Variants in CEACAM3 observed in about 807,000 individuals in gnomAD.
CEACAM3 encodes CEA cell adhesion molecule 3, also known as cell adhesion molecule CEACAM3.
A neutral mutation model predicts 30.1 loss-of-function variants in CEACAM3; 32 were observed. The ratio of observed to expected loss-of-function variants is 1.06; its 90% CI spans 0.80 to 1.43. CEACAM3 has a LOEUF of 1.43. CEACAM3 is among the 40% of genes most tolerant of loss of function. The pLI, the probability that CEACAM3 is intolerant of heterozygous loss-of-function variation, is 0.00. For synonymous variants in CEACAM3, 134 were observed against 127.2 expected (o/e 1.05, Z -0.36); for missense variants, 290 against 316.3 (o/e 0.92, Z 0.63).
At position 41,811,261 on chromosome 19, in the gene CEACAM3, G is replaced by C. The variant is rs782668023; in HGVS notation, c.*24G>C. The C allele has an allele frequency of 1.2e-6, 2 of 1,608,138 alleles. No individual in the cohort carries two copies. The highest frequency in any genetic ancestry group is 2.2e-5 in the South Asian group (2 of 90,956). ...AGCTTCCTCCAGGAGCTGCTCCTGT[G>C]TGTTGATGGAGAGTCCCCAAGGCCC... On this transcript the variant is annotated 3_prime_UTR_variant, in exon 7 of 7. Coordinates refer to ENST00000357396, the MANE Select transcript of CEACAM3 (RefSeq NM_001815.5).
intron 5 of CEACAM3, 52 bp downstream of exon 5, chr19:41,810,406 C>T (rs1399023870): frequency 7.1e-6 from 11 of 1,554,252 alleles, no homozygotes; most frequent in Non-Finnish European, 8.7e-6. Context: ...GCTGTGCAGG[C>T]TCTGGGCAGA....
At chr19:41,811,089 C>A in intron 6 of CEACAM3, 83 bp from the exon 7 acceptor site, 1 of 1,501,350 alleles carries the variant, frequency 6.7e-7, no homozygotes, top group South Asian at 1.1e-5. Context: ...CAGAGCAGCC[C>A]TGGATGGGCC....
chr19:41,797,257 G>T, intron 1 of CEACAM3: 1 of 326,616 alleles, frequency 3.1e-6, no homozygotes, highest in Non-Finnish European at 5.6e-6. Context: ...GCCCTGGAGG[G>T]AACAGAGCAG....
chr19:41,805,787 C>G (rs1218147114), intron 2 of CEACAM3, among the ~76,000 whole-genome samples: 2 of 152,242 alleles, frequency 1.3e-5, no homozygotes, highest in African/African-American at 4.8e-5. Flanking sequence ...AGATTGCCAG[C>G]AGCTTCATGC....
At position 41,796,682 on chromosome 19, in the gene CEACAM3, G is replaced by T; in HGVS notation, c.5G>T (p.Gly2Val). The T allele has an allele frequency of 6.2e-7, 1 of 1,614,176 alleles. No homozygotes were observed. The highest frequency in any genetic ancestry group is 8.5e-7 in the Non-Finnish European group (1 of 1,180,010). The change falls in exon 1 of 7, where the codon GGG (glycine) becomes GTG (valine). Residue 2 changes from glycine to valine, a missense_variant. Physicochemically the swap from Gly to Val is moderately radical, Grantham distance 109. Coordinates refer to ENST00000357396, the MANE Select transcript of CEACAM3 (RefSeq NM_001815.5). The stretch of plus-strand genomic sequence containing the variant: ...AAAGAGCAGGCAGCAGAGACCATGG[G>T]GCCCCCCTCAGCCTCTCCCCACAGA... The part of the protein sequence containing the change: M[G>V]PPSASPHREC...
rs1555826263 is a variant in CEACAM3 at position 41,803,469 on chromosome 19, TG to T, written c.425-5343del. Among the ~76,000 whole-genome samples the T allele has an allele frequency of 1.1e-3, 122 of 110,808 alleles. 1 individual carries two copies. The highest frequency in any genetic ancestry group is 6.8e-3 in the Middle Eastern group (1 of 146). The allele number at this position is 110,808 out of a possible 152,430, so 72.7% of individuals were successfully genotyped here. A position where few individuals can be genotyped will look rare whatever the true frequency, so the allele number is the denominator to read the frequency against. ...GTGTGTGTGTGTGTGTTGTTTTGTTTGTTTTTTTTTTTTTTGAGACAGAGTC... is the reference window on the plus strand; with the variant it reads ...GTGTGTGTGTGTGTGTTGTTTTGTTTTTTTTTTTTTTTTTGAGACAGAGTC... On this transcript the variant is annotated intron_variant, in intron 2 of 6. Coordinates refer to ENST00000357396, the MANE Select transcript of CEACAM3 (RefSeq NM_001815.5).
At chr19:41,807,071 G>A in intron 2 of CEACAM3, 1 of 1,608,620 alleles carries the variant, frequency 6.2e-7, no homozygotes, top group East Asian at 2.2e-5. Context: ...AGGAATCACA[G>A]GTGCCACACA....
chr19:41,804,621 TCA>T (rs2073184167), intron 2 of CEACAM3, among the ~76,000 whole-genome samples: 1 of 152,188 alleles, frequency 6.6e-6, no homozygotes, highest in Non-Finnish European at 1.5e-5. Context: ...CTAACAGGAC[TCA>T]CAATTCTCTC....
intron 2 of CEACAM3, among the ~76,000 whole-genome samples, chr19:41,804,127 A>G (rs1251157993): frequency 6.6e-6 from 1 of 152,158 alleles, no homozygotes; most frequent in African/African-American, 2.4e-5. Flanking sequence ...AGCAGATTCA[A>G]CTTCACATTC....
At chr19:41,804,762 C>G (rs544514751) in intron 2 of CEACAM3, among the ~76,000 whole-genome samples, 2 of 152,232 alleles carry the variant, frequency 1.3e-5, no homozygotes, top group East Asian at 3.9e-4. Context: ...GCTACAGCAA[C>G]CAATTGACCT....
intron 1 of CEACAM3, among the ~76,000 whole-genome samples, chr19:41,796,972 C>A (rs1390210438): frequency 6.6e-6 from 1 of 152,186 alleles, no homozygotes; most frequent in Non-Finnish European, 1.5e-5. Context: ...TTACTGGCCA[C>A]TACAATTAGA....
Position 41,800,820 on chromosome 19 carries a change from A to G in CEACAM3, c.424+2872A>G, listed in dbSNP as rs536319691. 2.8e-3 allele frequency among the ~76,000 whole-genome samples: 432 copies of G among 152,206 alleles called. 3 individuals are homozygous for G. Among genetic ancestry groups the G allele is most frequent in the African/African-American group, 9.9e-3 (410 of 41,530 alleles). ...CCCTTTTGCTTTGTATCCAATAAAT[A>G]ACAGCGCAGTCAGACATTCGGGGCC... On this transcript the variant is annotated intron_variant, in intron 2 of 6. Transcript: ENST00000357396.
intron 2 of CEACAM3, among the ~76,000 whole-genome samples, chr19:41,801,514 A>G (rs367919536): frequency 6.6e-6 from 1 of 152,236 alleles, no homozygotes; most frequent in South Asian, 2.1e-4. Flanking sequence ...TGCAGTCAAG[A>G]AAGAGTTTAA....
chr19:41,810,878 C>G lies in CEACAM3; in HGVS notation c.674C>G (p.Thr225Arg). 1 of 1,613,742 alleles carries G rather than the reference C, an allele frequency of 6.2e-7. No homozygotes were observed. The highest frequency in any genetic ancestry group is 8.5e-7 in the Non-Finnish European group (1 of 1,179,802). ...TAQAPLPNPRTAASIYEELLK... is the reference protein window; with the variant it reads ...TAQAPLPNPRRAASIYEELLK... ...CAGGCCCCCCTACCCAACCCCAGGA[C>G]AGCAGCTTCCATCTATGAGGTGAGT... The change falls in exon 6 of 7, where the codon ACA becomes AGA. Residue 225 changes from threonine to arginine, a missense_variant. Transcript: ENST00000357396.
chr19:41,807,434 C>G, intron 2 of CEACAM3: 1 of 1,228,042 alleles, frequency 8.1e-7, no homozygotes, highest in Non-Finnish European at 1.1e-6. Flanking sequence ...CCCAAATCCA[C>G]ACAGCCAGAG....
intron 2 of CEACAM3, among the ~76,000 whole-genome samples, chr19:41,804,323 CG>C (rs1484882079): frequency 6.6e-6 from 1 of 152,052 alleles, no homozygotes; most frequent in South Asian, 2.1e-4. Flanking sequence ...ATGGGGTCTT[CG>C]GGTGGGGAGA....
intron 2 of CEACAM3, among the ~76,000 whole-genome samples, chr19:41,806,362 A>G (rs1344327613): frequency 6.6e-6 from 1 of 151,998 alleles, no homozygotes; most frequent in Non-Finnish European, 1.5e-5. Flanking sequence ...TCACTGTCTC[A>G]TGTCAGTCAC....
chr19:41,807,166 G>A (rs1555826892), intron 2 of CEACAM3: 1 of 1,609,914 alleles, frequency 6.2e-7, no homozygotes, highest in East Asian at 2.2e-5. Context: ...AGGAGGACAA[G>A]GATGCTGTGG....
At position 41,796,758 on chromosome 19, in the gene CEACAM3, T is replaced by C; in HGVS notation, c.64+17T>C. On this transcript the variant is annotated intron_variant, in intron 1 of 6. Coordinates refer to ENST00000357396, the MANE Select transcript of CEACAM3 (RefSeq NM_001815.5). ...TGCTCACAGGTGAGTGGAGGATTCCTGGGAGTGGGCAAGAGGAGGGATCAC... is the reference window on the plus strand; with the variant it reads ...TGCTCACAGGTGAGTGGAGGATTCCCGGGAGTGGGCAAGAGGAGGGATCAC... The C allele has an allele frequency of 6.2e-7, 1 of 1,607,808 alleles. No individual in the cohort carries two copies. Among genetic ancestry groups the C allele is most frequent in the Non-Finnish European group, 8.5e-7 (1 of 1,177,018 alleles).
Sources: gnomAD v4.1 joint callset for allele counts (sites outside exome capture counted in the v4.1 genomes callset) on GRCh38, gnomAD v4.1.1 for gene constraint, MANE v1.5 for transcripts, NCBI Gene and HGNC (gene_info 2026-07-23, HGNC 2026-07-21) for gene names.